Variants in TSPAN2 observed in about 807,000 individuals in gnomAD.
TSPAN2 encodes tetraspanin-2.
TSPAN2 carries 24 observed loss-of-function variants against 33.3 expected under a neutral mutation model. The observed-to-expected ratio is 0.72, with a 90% CI of 0.52 to 1.01. The LOEUF (loss-of-function observed/expected upper bound fraction) is 1.01. Ranked by LOEUF, TSPAN2 falls within the 50% of genes least tolerant of loss-of-function variation. The pLI, the probability that TSPAN2 is intolerant of heterozygous loss-of-function variation, is 0.00. For missense variants in TSPAN2, 278 were observed against 281.3 expected (o/e 0.99, Z 0.08); for synonymous variants, 114 against 104.5 (o/e 1.09, Z -0.56).
At chr1:115,077,796 T>C (rs1004853145) in intron 1 of TSPAN2, among the ~76,000 whole-genome samples, 1 of 152,194 alleles carries the variant, frequency 6.6e-6, no homozygotes, top group Non-Finnish European at 1.5e-5. Context: ...ATTGCAAACA[T>C]GGTCCCTAGG....
rs1648807880 is a variant in TSPAN2, at chr1:115,085,728, G to T, written c.69+3636C>A. Among the ~76,000 whole-genome samples the T allele has an allele frequency of 3.3e-5, 5 of 152,126 alleles. No individual in the cohort carries two copies. In the South Asian group the frequency reaches 1.0e-3, roughly 32 times the overall value. On this transcript the variant is annotated intron_variant, in intron 1 of 7. Coordinates refer to ENST00000369516, the MANE Select transcript of TSPAN2 (RefSeq NM_005725.6). ...CTGGAATCAGGTTCCCTCAGTTACA[G>T]TGAAGGCAGATATCTAGATACTTTA...
chr1:115,086,706 C>A (rs1165032287), intron 1 of TSPAN2, among the ~76,000 whole-genome samples: 1 of 152,174 alleles, frequency 6.6e-6, no homozygotes, highest in Non-Finnish European at 1.5e-5. Flanking sequence ...TGTTCCATAT[C>A]CACTGGTCTC....
At position 115,073,027 on chromosome 1, in the gene TSPAN2, G is replaced by T; in HGVS notation, c.70-20C>A. 1 of 1,598,736 alleles carries T rather than the reference G, an allele frequency of 6.3e-7. No individual in the cohort carries two copies. Among genetic ancestry groups the T allele is most frequent in the Non-Finnish European group, 8.6e-7 (1 of 1,166,066 alleles). On this transcript the variant is annotated intron_variant, in intron 1 of 7. Coordinates refer to ENST00000369516, the MANE Select transcript of TSPAN2 (RefSeq NM_005725.6). ...AGCCAGCTGGAAGGCAAACGACACT[G>T]TGTTTACAGTGGAAGGGGAAAGAGC...
In TSPAN2 at chr1:115,048,595, G is replaced by A. The variant is rs1424123061; in HGVS notation, c.*1895C>T. On this transcript the variant is annotated 3_prime_UTR_variant, in exon 8 of 8. Transcript: ENST00000369516. ...ATAGGAAACTAAACTCACTTTTGTG[G>A]AATCAGAGATGATTCTGAGTTGGAA... 6.6e-6 allele frequency: 1 copy of A among 151,700 alleles called. No individual in the cohort carries two copies. Among genetic ancestry groups the A allele is most frequent in the Non-Finnish European group, 1.5e-5 (1 of 67,862 alleles). The allele number at this position is 151,700 out of a possible 1,614,324, so 9.4% of individuals were successfully genotyped here.
rs1023278283 is a variant in TSPAN2 at position 115,089,496 on chromosome 1, G to A, written c.-64C>T. 1.6e-6 allele frequency: 2 copies of A among 1,279,152 alleles called. No individual in the cohort carries two copies. Among genetic ancestry groups the A allele is most frequent in the East Asian group, 3.2e-5 (1 of 31,658 alleles). 79.2% of individuals were successfully genotyped at this position (1,279,152 alleles called of 1,614,324 possible). On this transcript the variant is annotated 5_prime_UTR_variant, in exon 1 of 8. Coordinates refer to ENST00000369516, the MANE Select transcript of TSPAN2 (RefSeq NM_005725.6). ...GCGCTACGAGCGCGGGGAGCGGCAG[G>A]CTCCGGCGGGGAGGGGGCGGAGCGG...
In TSPAN2 at chr1:115,053,415, G is replaced by T; in HGVS notation, c.564C>A (p.Leu188=). 6.2e-7 allele frequency: 1 copy of T among 1,613,914 alleles called. No individual in the cohort carries two copies. Among genetic ancestry groups the T allele is most frequent in the South Asian group, 1.1e-5 (1 of 91,058 alleles). The change falls in exon 7 of 8, where the codon CTC becomes CTA. Residue 188 remains leucine (L), a synonymous_variant. Transcript: ENST00000369516. ...CAATTCCAATACCGACAATTCCAAT[G>T]AGCTGGAGCTTAACACTGATTATGG... ...IETIISVKLQ[L]IGIVGIGIAG...
intron 3 of TSPAN2, 33 bp downstream of exon 3, chr1:115,062,102 C>T (rs1379591727): frequency 2.0e-6 from 3 of 1,486,792 alleles, no homozygotes; most frequent in Non-Finnish European, 2.8e-6. Context: ...TCCCTCACCC[C>T]CACCCCACCA....
chr1:115,056,071 C>T (rs987869214), intron 6 of TSPAN2, among the ~76,000 whole-genome samples: 1 of 152,082 alleles, frequency 6.6e-6, no homozygotes, highest in Non-Finnish European at 1.5e-5. Context: ...ACCTTTAAAA[C>T]TATTTACTAA....
chr1:115,072,307 A>G (rs1045504405), intron 2 of TSPAN2, among the ~76,000 whole-genome samples: 5 of 151,670 alleles, frequency 3.3e-5, no homozygotes, highest in Non-Finnish European at 7.4e-5. Context: ...AGTCCCTCTC[A>G]TCTCCTCTCC....
rs1183402132 is a variant in TSPAN2 at position 115,049,299 on chromosome 1, T to G, written c.*1191A>C. On this transcript the variant is annotated 3_prime_UTR_variant, in exon 8 of 8. Transcript: ENST00000369516. ...TTCTGTGTATATATAAGTATTTTTG[T>G]TTCCTTAACTTGTTTCTGTTGCCCA... The G allele has an allele frequency of 6.6e-6, 1 of 152,598 alleles. No individual in the cohort carries two copies. Among genetic ancestry groups the G allele is most frequent in the African/African-American group, 2.4e-5 (1 of 41,454 alleles). The allele number at this position is 152,598 out of a possible 1,614,324, so 9.5% of individuals were successfully genotyped here. A position where few individuals can be genotyped will look rare whatever the true frequency, so the allele number is the denominator to read the frequency against.
Position 115,081,524 on chromosome 1 carries a change from G to A in TSPAN2, c.69+7840C>T, listed in dbSNP as rs57330593. Among the ~76,000 whole-genome samples the A allele has an allele frequency of 3.4e-3, 518 of 152,290 alleles. 25 individuals are homozygous for A. In the East Asian group the frequency reaches 0.082, roughly 24 times the overall value. ...ATAAACACATGCGTGCATACGGTAC[G>A]TAGGTGTAAAGGAGTTGTAGTGGAT... On this transcript the variant is annotated intron_variant, in intron 1 of 7. Coordinates refer to ENST00000369516, the MANE Select transcript of TSPAN2 (RefSeq NM_005725.6).
chr1:115,060,579 CT>C, intron 3 of TSPAN2, 41 bp from the exon 4 acceptor site: 2 of 1,507,900 alleles, frequency 1.3e-6, no homozygotes, highest in Non-Finnish European at 1.8e-6. Context: ...AATTTAATAC[CT>C]TTTCAATTTA....
chr1:115,051,746 A>C (rs1158588355), intron 7 of TSPAN2, among the ~76,000 whole-genome samples: 4 of 152,210 alleles, frequency 2.6e-5, no homozygotes, highest in Non-Finnish European at 5.9e-5. Context: ...GGGCAGAAGC[A>C]GGTAAGGGCA....
At chr1:115,087,176 C>T (rs1648868675) in intron 1 of TSPAN2, among the ~76,000 whole-genome samples, 1 of 151,922 alleles carries the variant, frequency 6.6e-6, no homozygotes, top group Admixed American at 6.6e-5. Flanking sequence ...GCCTTGGCCT[C>T]CTAAAGTGCT....
chr1:115,085,261 G>C (rs1361722107), intron 1 of TSPAN2, among the ~76,000 whole-genome samples: 1 of 152,234 alleles, frequency 6.6e-6, no homozygotes, highest in Non-Finnish European at 1.5e-5. Context: ...ATGTAGTGGG[G>C]TTAATGGCTA....
At chr1:115,075,734 G>T (rs576077107) in intron 1 of TSPAN2, among the ~76,000 whole-genome samples, 2 of 152,196 alleles carry the variant, frequency 1.3e-5, no homozygotes, top group Admixed American at 6.5e-5. Flanking sequence ...ATTTTAACCC[G>T]ATGAGGCCAA....
chr1:115,088,096 C>G (rs1009936276), intron 1 of TSPAN2, among the ~76,000 whole-genome samples: 6 of 152,200 alleles, frequency 3.9e-5, no homozygotes, highest in Admixed American at 2.0e-4. Flanking sequence ...TAAATCCCCA[C>G]GTGTACAAAG....
chr1:115,055,533 T>A (rs1043919708), intron 6 of TSPAN2, among the ~76,000 whole-genome samples: 4 of 152,070 alleles, frequency 2.6e-5, no homozygotes, highest in African/African-American at 9.7e-5. Flanking sequence ...ATGATTATTT[T>A]TTTTTTTGGA....
chr1:115,088,159 C>G (rs1181787156), intron 1 of TSPAN2, among the ~76,000 whole-genome samples: 1 of 152,230 alleles, frequency 6.6e-6, no homozygotes, highest in Non-Finnish European at 1.5e-5. Flanking sequence ...CTCCTTCACA[C>G]CTTCCACTGC....
Sources: allele counts gnomAD v4.1 joint callset (sites outside exome capture counted in the v4.1 genomes callset), GRCh38; gene constraint gnomAD v4.1.1; transcripts MANE v1.5; gene names NCBI Gene and HGNC (gene_info 2026-07-23, HGNC 2026-07-21).